SLC39A11: variants seen among roughly 807,000 people sequenced by gnomAD.
SLC39A11 encodes zinc transporter ZIP11.
In SLC39A11, 33 loss-of-function variants were observed where a neutral mutation model predicts 36.1. The ratio of observed to expected loss-of-function variants is 0.91; its 90% CI spans 0.69 to 1.22. The LOEUF (loss-of-function observed/expected upper bound fraction) is 1.22, where lower values mean the gene tolerates loss of function less well. SLC39A11 is among the 50% of genes most tolerant of loss of function. The pLI, the probability that SLC39A11 is intolerant of heterozygous loss-of-function variation, is 0.00. For synonymous variants in SLC39A11, 166 were observed against 170.3 expected (o/e 0.97, Z 0.20); for missense variants, 432 against 430.3 (o/e 1.00, Z -0.03).
intron 6 of SLC39A11, among the ~76,000 whole-genome samples, chr17:72,740,630 T>C (rs763981352): frequency 5.3e-5 from 8 of 152,200 alleles, no homozygotes; most frequent in Admixed American, 2.0e-4. Flanking sequence ...CGTGCTGTTA[T>C]TCAAGGTTTA....
At chr17:73,062,693 C>A (rs2059885095) in intron 3 of SLC39A11, among the ~76,000 whole-genome samples, 1 of 152,098 alleles carries the variant, frequency 6.6e-6, no homozygotes, top group Admixed American at 6.5e-5. Context: ...TGGTCTCCAA[C>A]CTTTTTGGCA....
chr17:72,918,240 C>T (rs1259678281), intron 5 of SLC39A11, among the ~76,000 whole-genome samples: 1 of 152,262 alleles, frequency 6.6e-6, no homozygotes, highest in South Asian at 2.1e-4. Flanking sequence ...GAAACCTTGT[C>T]TCTACCAAAA....
Position 72,987,923 on chromosome 17 carries a change from T to C in SLC39A11, c.307-40048A>G, listed in dbSNP as rs145368519. On this transcript the variant is annotated intron_variant, in intron 4 of 9. Transcript: ENST00000255559. The stretch of plus-strand genomic sequence containing the variant: ...CAAAGCCTACTTTCCATTATTACTC[T>C]TGGCATGAATGGTTTAAAAAGAGCA... Among the ~76,000 whole-genome samples, 14 of 152,336 alleles carry C rather than the reference T, an allele frequency of 9.2e-5. No individual in the cohort carries two copies. The East Asian group carries it at 2.7e-3, about 29-fold the overall frequency.
intron 6 of SLC39A11, among the ~76,000 whole-genome samples, chr17:72,783,278 G>C (rs1370136436): frequency 1.3e-5 from 2 of 152,140 alleles, no homozygotes; most frequent in African/African-American, 2.4e-5. Flanking sequence ...CTATTGTCTA[G>C]AGCCACCCAG....
At chr17:72,656,252 A>T (rs978996123) in intron 7 of SLC39A11, among the ~76,000 whole-genome samples, 1 of 152,162 alleles carries the variant, frequency 6.6e-6, no homozygotes, top group African/African-American at 2.4e-5. Flanking sequence ...CCCCAGCAGT[A>T]GCACAAAGAC....
At chr17:72,654,834 T>C (rs2070031237) in intron 7 of SLC39A11, among the ~76,000 whole-genome samples, 2 of 152,110 alleles carry the variant, frequency 1.3e-5, no homozygotes, top group Admixed American at 6.5e-5. Flanking sequence ...CACTGACAAA[T>C]CAGAGGTGGG....
At chr17:72,999,902 G>A (rs2089721567) in intron 4 of SLC39A11, among the ~76,000 whole-genome samples, 1 of 151,964 alleles carries the variant, frequency 6.6e-6, no homozygotes, top group Non-Finnish European at 1.5e-5. Context: ...CACCACACCT[G>A]GCTAAGTTTT....
At chr17:73,088,603 C>T in intron 2 of SLC39A11, 54 bp downstream of exon 2, 1 of 1,419,602 alleles carries the variant, frequency 7.0e-7, no homozygotes, top group Admixed American at 1.9e-5. Flanking sequence ...GGGACAGTGC[C>T]CCTTTACCAA....
At chr17:72,664,750 G>A (rs1326466526) in intron 7 of SLC39A11, among the ~76,000 whole-genome samples, 2 of 152,210 alleles carry the variant, frequency 1.3e-5, no homozygotes, top group African/African-American at 4.8e-5. Flanking sequence ...GGCCTGTAAT[G>A]ACTTACACAT....
At chr17:72,812,396 G>A (rs910192820) in intron 6 of SLC39A11, among the ~76,000 whole-genome samples, 2 of 152,210 alleles carry the variant, frequency 1.3e-5, no homozygotes, top group African/African-American at 2.4e-5. Flanking sequence ...GAATGATTTA[G>A]AATCTAGAGT....
At position 72,965,029 on chromosome 17, in the gene SLC39A11, A is replaced by T. The variant is rs1296390027; in HGVS notation, c.307-17154T>A. ...AAAAAACCAAACACTGCATGTTCTC[A>T]CTCATAGGTGCGAATTGAACAATGA... On this transcript the variant is annotated intron_variant, in intron 4 of 9. Transcript: ENST00000255559. 2.0e-5 allele frequency among the ~76,000 whole-genome samples: 3 copies of T among 150,974 alleles called. 1 individual carries two copies. Among genetic ancestry groups the T allele is most frequent in the African/African-American group, 7.3e-5 (3 of 41,000 alleles).
intron 4 of SLC39A11, among the ~76,000 whole-genome samples, chr17:72,974,033 T>C (rs1488734792): frequency 6.6e-6 from 1 of 152,150 alleles, no homozygotes; most frequent in Non-Finnish European, 1.5e-5. Flanking sequence ...GAGTGAAAGA[T>C]TCCTATTGCC....
chr17:72,844,726 ACT>A (rs2078975795), intron 6 of SLC39A11, among the ~76,000 whole-genome samples: 1 of 152,062 alleles, frequency 6.6e-6, no homozygotes, highest in Non-Finnish European at 1.5e-5. Context: ...GAAATCTATA[ACT>A]CTAGCTAGAC....
At chr17:73,036,824 C>T (rs1004034774) in intron 3 of SLC39A11, among the ~76,000 whole-genome samples, 23 of 152,288 alleles carry the variant, frequency 1.5e-4, no homozygotes, top group Middle Eastern at 3.4e-3. Flanking sequence ...TATCATGTAT[C>T]CATCATTACT....
intron 4 of SLC39A11, among the ~76,000 whole-genome samples, chr17:73,000,596 G>A (rs2089766381): frequency 6.6e-6 from 1 of 152,102 alleles, no homozygotes; most frequent in Non-Finnish European, 1.5e-5. Flanking sequence ...TCAACATTCT[G>A]GGAGCTACTT....
intron 7 of SLC39A11, among the ~76,000 whole-genome samples, chr17:72,725,128 T>C (rs12453243): frequency 0.17 from 25,209 of 152,164 alleles, 2,186 homozygotes; most frequent in African/African-American, 0.21. Flanking sequence ...ATGCAATAAA[T>C]AACATTATGT....
intron 6 of SLC39A11, among the ~76,000 whole-genome samples, chr17:72,753,208 C>A (rs2144365816): frequency 6.6e-6 from 1 of 152,244 alleles, no homozygotes; most frequent in South Asian, 2.1e-4. Flanking sequence ...TTTCTCCATT[C>A]CCACTATTCA....
intron 5 of SLC39A11, among the ~76,000 whole-genome samples, chr17:72,914,066 G>C (rs2083189290): frequency 6.7e-6 from 1 of 149,770 alleles, no homozygotes. Flanking sequence ...TGTAATCCCA[G>C]CACTTTGGGA....
chr17:72,767,079 A>AAG (rs925617745), intron 6 of SLC39A11, among the ~76,000 whole-genome samples: 3 of 152,176 alleles, frequency 2.0e-5, no homozygotes, highest in African/African-American at 4.8e-5. Flanking sequence ...CTTTGTCCAT[A>AAG]AGAGAGAGAG....
Sources: gnomAD v4.1 joint callset for allele counts (sites outside exome capture counted in the v4.1 genomes callset) on GRCh38, gnomAD v4.1.1 for gene constraint, MANE v1.5 for transcripts, NCBI Gene and HGNC (gene_info 2026-07-23, HGNC 2026-07-21) for gene names.